The following EXTL3 variants were observed in gnomAD, a reference collection of about 807,000 sequenced individuals.
EXTL3 encodes exostosin-like 3.
In EXTL3, 27 loss-of-function variants were observed where a neutral mutation model predicts 69.3. The ratio of observed to expected loss-of-function variants is 0.39; its 90% CI spans 0.29 to 0.54. The LOEUF is 0.54. EXTL3 is among the 20% of genes least tolerant of loss of function. The probability of loss-of-function intolerance (pLI) is 0.69; values close to 1 mark genes in which losing one functional copy is unlikely to be tolerated. For synonymous variants in EXTL3, 511 were observed against 499.4 expected, an observed-to-expected ratio of 1.02 and a Z score of -0.31; for missense variants, 1,003 against 1,231.8, an observed-to-expected ratio of 0.81 and a Z score of 2.78.
In EXTL3 at chr8:28,722,228, G is replaced by C. The variant is rs553207707; in HGVS notation, c.2148+4021G>C. ...CAGTGGGACCAGCAGGTGCAGGACAGTGCAGGTCGTGGTTAGGAAGTCTGG... is the reference window on the plus strand; with the variant it reads ...CAGTGGGACCAGCAGGTGCAGGACACTGCAGGTCGTGGTTAGGAAGTCTGG... On this transcript the variant is annotated intron_variant, in intron 3 of 6. Coordinates refer to ENST00000220562, the MANE Select transcript of EXTL3 (RefSeq NM_001440.4). Among the ~76,000 whole-genome samples, 4 of 152,358 alleles carry C rather than the reference G, an allele frequency of 2.6e-5. No homozygotes were observed. In the East Asian group the frequency reaches 7.7e-4, roughly 29 times the overall value.
chr8:28,715,924 A>G lies in EXTL3; in HGVS notation c.-136A>G. ...CTGAGGAAAATGAAATGTTCATTTT[A>G]TTTGGTGCCTTGTCTGGGGAGCACA... On this transcript the variant is annotated 5_prime_UTR_variant, in exon 3 of 7. Transcript: ENST00000220562. The G allele has an allele frequency of 1.5e-6, 1 of 680,778 alleles. No homozygotes were observed. The highest frequency in any genetic ancestry group is 2.5e-6 in the Non-Finnish European group (1 of 403,184). The allele number at this position is 680,778 out of a possible 1,614,324, so 42.2% of individuals were successfully genotyped here. A position where few individuals can be genotyped will look rare whatever the true frequency, so the allele number is the denominator to read the frequency against.
At chr8:28,695,061 A>G (rs1800664835) in intron 1 of EXTL3, among the ~76,000 whole-genome samples, 1 of 152,174 alleles carries the variant, frequency 6.6e-6, no homozygotes, top group Admixed American at 6.5e-5. Context: ...CTTCCAGGGA[A>G]GAACATGCAG....
At chr8:28,697,952 A>G (rs1464754593), upstream of EXTL3, 1 of 152,176 alleles carries the variant, frequency 6.6e-6, no homozygotes, top group African/African-American at 2.4e-5. Context: ...CAAAATATGG[A>G]GAGATCAGTG....
chr8:28,727,035 T>C (rs1455943439), intron 3 of EXTL3, among the ~76,000 whole-genome samples: 2 of 151,960 alleles, frequency 1.3e-5, no homozygotes, highest in Non-Finnish European at 2.9e-5. Context: ...CCCTCCCCCA[T>C]GCCTGGCTAG....
intron 1 of EXTL3, chr8:28,622,852 CTT>C (rs1806436252): frequency 6.6e-6 from 1 of 152,210 alleles, no homozygotes; most frequent in African/African-American, 2.4e-5. Flanking sequence ...GGTGGGAAGT[CTT>C]TTCTTCGTCG....
At chr8:28,682,425 C>T (rs751465925) in intron 1 of EXTL3, among the ~76,000 whole-genome samples, 36 of 152,096 alleles carry the variant, frequency 2.4e-4, no homozygotes, top group Non-Finnish European at 4.4e-4. Flanking sequence ...GTTTCCTTTG[C>T]TGTGCAGCAG....
intron 1 of EXTL3, among the ~76,000 whole-genome samples, chr8:28,683,219 T>G (rs561599052): frequency 6.6e-6 from 1 of 152,328 alleles, no homozygotes; most frequent in East Asian, 1.9e-4. Context: ...CAAGATTGTT[T>G]TGGCTATTCA....
intron 3 of EXTL3, among the ~76,000 whole-genome samples, chr8:28,719,953 A>G (rs917951788): frequency 1.3e-5 from 2 of 152,244 alleles, no homozygotes; most frequent in Non-Finnish European, 2.9e-5. Context: ...GCCCATCGCA[A>G]TAATACCTAA....
intron 6 of EXTL3, among the ~76,000 whole-genome samples, chr8:28,747,579 G>A (rs1434790081): frequency 6.6e-6 from 1 of 152,128 alleles, no homozygotes; most frequent in Non-Finnish European, 1.5e-5. Flanking sequence ...AGATAGACAT[G>A]CAGAAAGAAA....
chr8:28,720,525 T>C (rs773623195), intron 3 of EXTL3, among the ~76,000 whole-genome samples: 2 of 152,378 alleles, frequency 1.3e-5, no homozygotes, highest in South Asian at 2.1e-4. Flanking sequence ...ATAGGACTTA[T>C]ATGTTAAAAT....
At chr8:28,671,618 C>A (rs1311560664) in intron 1 of EXTL3, among the ~76,000 whole-genome samples, 1 of 152,154 alleles carries the variant, frequency 6.6e-6, no homozygotes, top group East Asian at 1.9e-4. Flanking sequence ...GGATTACAGG[C>A]ATGAGCCTCC....
intron 1 of EXTL3, among the ~76,000 whole-genome samples, chr8:28,650,198 GAAAAA>G (rs35238223): frequency 6.3e-5 from 6 of 95,260 alleles, no homozygotes; most frequent in African/African-American, 1.9e-4. Context: ...TCTGTCTCAG[GAAAAA>G]AAAAAAAAAA....
chr8:28,684,379 A>G (rs1359157551), intron 1 of EXTL3, among the ~76,000 whole-genome samples: 1 of 152,180 alleles, frequency 6.6e-6, no homozygotes, highest in Admixed American at 6.5e-5. Context: ...TGTACTATCT[A>G]TCATCAGTGC....
At chr8:28,736,858 G>C (rs1801661763) in intron 4 of EXTL3, among the ~76,000 whole-genome samples, 1 of 152,318 alleles carries the variant, frequency 6.6e-6, no homozygotes, top group East Asian at 1.9e-4. Context: ...GGCCAAGGGA[G>C]GTGGTGCAAT....
chr8:28,677,518 G>C (rs143495273), intron 1 of EXTL3, among the ~76,000 whole-genome samples: 1 of 152,140 alleles, frequency 6.6e-6, no homozygotes, highest in Non-Finnish European at 1.5e-5. Flanking sequence ...TTCAAAAAAC[G>C]TATGATCATT....
Position 28,615,857 on chromosome 8 carries a change from A to G in EXTL3, n.314+8099A>G, listed in dbSNP as rs1806323820. ...CCAAAGTGCTGGGATTACAGGCTTT[A>G]GCCACCATGTCCGGCCTGCAGCTTT... On this transcript the variant is annotated intron_variant and non_coding_transcript_variant, in intron 2 of 4. Coordinates refer to the EXTL3 transcript ENST00000522725. Among the ~76,000 whole-genome samples the G allele has an allele frequency of 2.0e-5, 3 of 152,186 alleles. No homozygotes were observed. In the East Asian group the frequency reaches 5.8e-4, roughly 29 times the overall value.
chr8:28,707,953 G>A (rs1021568088), intron 1 of EXTL3, among the ~76,000 whole-genome samples: 2 of 152,226 alleles, frequency 1.3e-5, no homozygotes, highest in African/African-American at 4.8e-5. Flanking sequence ...ATAACTTGGA[G>A]TAATCAATAG....
chr8:28,635,745 T>A (rs1464209488), intron 1 of EXTL3, among the ~76,000 whole-genome samples: 5 of 108,350 alleles, frequency 4.6e-5, no homozygotes, highest in Non-Finnish European at 1.1e-4. Context: ...ACACACACAC[T>A]ATTCAAACAG....
Position 28,726,677 on chromosome 8 carries a change from G to A in EXTL3, c.2149-4546G>A, listed in dbSNP as rs10111808. Among the ~76,000 whole-genome samples, 405 of 152,010 alleles carry A rather than the reference G, an allele frequency of 2.7e-3. 1 individual carries two copies. Among genetic ancestry groups the A allele is most frequent in the African/African-American group, 9.0e-3 (373 of 41,470 alleles). On this transcript the variant is annotated intron_variant, in intron 3 of 6. Coordinates refer to ENST00000220562, the MANE Select transcript of EXTL3 (RefSeq NM_001440.4). ...CCACTAGATACTAGACGCAAGTAGC[G>A]CACCCTTTTCTCCAGTTGTGACAAC...
Sources: allele counts gnomAD v4.1 joint callset (sites outside exome capture counted in the v4.1 genomes callset), GRCh38; gene constraint gnomAD v4.1.1; transcripts MANE v1.5; gene names NCBI Gene and HGNC (gene_info 2026-07-23, HGNC 2026-07-21).